MRPL47: variants seen among roughly 807,000 people sequenced by gnomAD.
MRPL47 encodes mitochondrial ribosomal protein L47.
Under a neutral mutation model 34.0 loss-of-function variants are expected in MRPL47, and 31 were observed. The observed-to-expected ratio is 0.91, with a 90% CI of 0.68 to 1.23. The LOEUF is 1.23. Ranked by LOEUF, MRPL47 falls within the 50% of genes most tolerant of loss-of-function variation. The pLI is 0.00. For synonymous variants in MRPL47, 106 were observed against 101.6 expected (o/e 1.04, Z -0.26); for missense variants, 328 against 285.8 (o/e 1.15, Z -1.07).
chr3:179,593,778 C>T lies in MRPL47; in HGVS notation c.520G>A (p.Gly174Arg). The T allele has an allele frequency of 1.2e-6, 2 of 1,613,284 alleles. No individual in the cohort carries two copies. The highest frequency in any genetic ancestry group is 1.7e-6 in the Non-Finnish European group (2 of 1,179,660). ...RPGAWRRDIF[G>R]RIIWHKFKQW... ...TTAACTACATACCAGATGATTCTTC[C>T]AAAGATGTCTCTTCTCCAAGCACCA... Residue 174 changes from glycine to arginine, a missense_variant, in exon 5 of 7, where the codon GGA becomes AGA. Gly to Arg is a moderately radical substitution (Grantham distance 125). Transcript: ENST00000476781.
chr3:179,602,612 C>A, intron 2 of MRPL47, 40 bp downstream of exon 2: 4 of 1,227,524 alleles, frequency 3.3e-6, no homozygotes, highest in Non-Finnish European at 4.6e-6. Context: ...GGGGGGGGTT[C>A]CATAAATATA....
intron 6 of MRPL47, 81 bp downstream of exon 6, chr3:179,592,563 T>G (rs1310989717): frequency 1.2e-6 from 1 of 818,656 alleles, no homozygotes; most frequent in African/African-American, 1.7e-5. Context: ...TTAAGCTTTC[T>G]TTATGTCATC....
chr3:179,601,743 AATCTTC>A lies in MRPL47; in HGVS notation c.286_291del (p.Glu96_Asp97del). On this transcript the variant is annotated inframe_deletion, in exon 3 of 7. Coordinates refer to ENST00000476781, the MANE Select transcript of MRPL47 (RefSeq NM_020409.3). Reference sequence around the variant, plus strand: ...TAGTATACTTACCAAAGTTTGTGTAAATCTTCATTACTTTTGTTCCTTAGTTGCTGA... The same window carrying A: ...TAGTATACTTACCAAAGTTTGTGTAAATTACTTTTGTTCCTTAGTTGCTGA... 6.2e-7 allele frequency: 1 copy of A among 1,606,114 alleles called. No homozygotes were observed. Among genetic ancestry groups the A allele is most frequent in the Non-Finnish European group, 8.5e-7 (1 of 1,173,148 alleles).
intron 4 of MRPL47, among the ~76,000 whole-genome samples, chr3:179,598,397 GACACAC>G (rs11455585): frequency 5.8e-5 from 6 of 102,950 alleles, no homozygotes; most frequent in African/African-American, 1.2e-4. Context: ...CTGACACACT[GACACAC>G]ACACACACAC....
At chr3:179,598,018 T>C (rs1560019333) in intron 4 of MRPL47, among the ~76,000 whole-genome samples, 1 of 152,214 alleles carries the variant, frequency 6.6e-6, no homozygotes, top group Non-Finnish European at 1.5e-5. Flanking sequence ...ATAGCTACTT[T>C]AGAATACAGT....
rs759842682 is a variant in MRPL47, at chr3:179,598,708, T to A, written c.369A>T (p.Arg123Ser). The part of the protein sequence containing the change: ...LTLEQEAKRQ[R>S]LPMPSPERLD... The stretch of plus-strand genomic sequence containing the variant: ...ACCGCTCTGGACTTGGCATTGGCAA[T>A]CTCTGCCGCTTGGCCTCCTGCTCTA... Residue 123 changes from arginine to serine, a missense_variant, in exon 4 of 7, where the codon AGA (arginine) becomes AGT (serine). Coordinates refer to ENST00000476781, the MANE Select transcript of MRPL47 (RefSeq NM_020409.3). 1 of 1,613,240 alleles carries A rather than the reference T, an allele frequency of 6.2e-7. No homozygotes were observed. Among genetic ancestry groups the A allele is most frequent in the South Asian group, 1.1e-5 (1 of 91,074 alleles).
chr3:179,591,234 G>A (rs1718665791), intron 6 of MRPL47, among the ~76,000 whole-genome samples: 1 of 152,102 alleles, frequency 6.6e-6, no homozygotes, highest in African/African-American at 2.4e-5. Context: ...TCCCAGCCTT[G>A]AATTCTGATT....
At chr3:179,594,600 A>G (rs1434682122) in intron 4 of MRPL47, among the ~76,000 whole-genome samples, 2 of 152,098 alleles carry the variant, frequency 1.3e-5, no homozygotes, top group Non-Finnish European at 2.9e-5. Context: ...CTCCTGCCTC[A>G]GCCTCCTGAG....
intron 2 of MRPL47, 37 bp downstream of exon 2, chr3:179,602,615 T>G (rs1560020955): frequency 7.8e-6 from 8 of 1,030,024 alleles, no homozygotes; most frequent in African/African-American, 3.4e-5. Context: ...GGGGGTTCCA[T>G]AAATATATCT....
chr3:179,602,915 T>A, intron 1 of MRPL47, 118 bp from the exon 2 acceptor site: 1 of 841,994 alleles, frequency 1.2e-6, no homozygotes. Flanking sequence ...AAAAAGCTAC[T>A]CAGGGTTTCT....
At position 179,588,858 on chromosome 3, in the gene MRPL47, A is replaced by C; in HGVS notation, c.*14T>G. ...CAAGAAAAACAAAATGGTAAATTTA[A>C]TAGTTCAGACATCTTAGACAAGACT... On this transcript the variant is annotated 3_prime_UTR_variant, in exon 7 of 7. Coordinates refer to ENST00000476781, the MANE Select transcript of MRPL47 (RefSeq NM_020409.3). 6.2e-7 allele frequency: 1 copy of C among 1,608,316 alleles called. No homozygotes were observed. The highest frequency in any genetic ancestry group is 8.5e-7 in the Non-Finnish European group (1 of 1,178,014).
Position 179,598,790 on chromosome 3 carries a change from A to C in MRPL47, c.306-19T>G, listed in dbSNP as rs936788285. 1 of 1,450,392 alleles carries C rather than the reference A, an allele frequency of 6.9e-7. No homozygotes were observed. Among genetic ancestry groups the C allele is most frequent in the African/African-American group, 1.4e-5 (1 of 71,556 alleles). The allele number at this position is 1,450,392 out of a possible 1,614,324, so 89.8% of individuals were successfully genotyped here. A position where few individuals can be genotyped will look rare whatever the true frequency, so the allele number is the denominator to read the frequency against. On this transcript the variant is annotated intron_variant, in intron 3 of 6. Transcript: ENST00000476781. Reference sequence around the variant, plus strand: ...GACATACCTATACAAAAGAACACAAACCTTGTGATGCTATTCTGTGGTTAT... The same window carrying C: ...GACATACCTATACAAAAGAACACAACCCTTGTGATGCTATTCTGTGGTTAT...
chr3:179,602,014 A>C (rs993538773), intron 2 of MRPL47, among the ~76,000 whole-genome samples: 1 of 152,258 alleles, frequency 6.6e-6, no homozygotes, highest in Non-Finnish European at 1.5e-5. Flanking sequence ...GCATTAGTAC[A>C]GAACGTATTT....
intron 3 of MRPL47, among the ~76,000 whole-genome samples, chr3:179,599,716 G>C (rs2108383911): frequency 6.6e-6 from 1 of 152,316 alleles, no homozygotes; most frequent in African/African-American, 2.4e-5. Flanking sequence ...GATGACCAGG[G>C]AAAGAGTCAT....
chr3:179,601,859 CTCTAAACCTG>C lies in MRPL47; in HGVS notation c.245-79_245-70del, dbSNP rs1718934643. 8 of 1,101,002 alleles carry C rather than the reference CTCTAAACCTG, an allele frequency of 7.3e-6. No individual in the cohort carries two copies. In the South Asian group the frequency reaches 8.1e-5, roughly 11 times the overall value. The allele number at this position is 1,101,002 out of a possible 1,614,324, so 68.2% of individuals were successfully genotyped here. A position where few individuals can be genotyped will look rare whatever the true frequency, so the allele number is the denominator to read the frequency against. On this transcript the variant is annotated intron_variant, in intron 2 of 6. Coordinates refer to ENST00000476781, the MANE Select transcript of MRPL47 (RefSeq NM_020409.3). ...TGCCCTTTGGCAAATTATTTAAGCT[CTCTAAACCTG>C]TCTAAACCTGTTTCTTTATCTGTAA...
chr3:179,591,830 T>G (rs1347514982), intron 6 of MRPL47, among the ~76,000 whole-genome samples: 2 of 150,544 alleles, frequency 1.3e-5, no homozygotes. Flanking sequence ...AGTGGCTATT[T>G]CTTTTTTTTT....
intron 4 of MRPL47, among the ~76,000 whole-genome samples, chr3:179,595,783 C>A (rs1037394942): frequency 6.6e-6 from 1 of 152,180 alleles, no homozygotes; most frequent in Admixed American, 6.5e-5. Context: ...TTATTGAAAA[C>A]AAGTCAACCT....
At chr3:179,590,868 C>T (rs994123742) in intron 6 of MRPL47, among the ~76,000 whole-genome samples, 1 of 152,048 alleles carries the variant, frequency 6.6e-6, no homozygotes, top group Non-Finnish European at 1.5e-5. Context: ...AGAATTAAAT[C>T]AAGGACTGAT....
intron 3 of MRPL47, among the ~76,000 whole-genome samples, chr3:179,600,552 G>C (rs913457440): frequency 1.3e-5 from 2 of 152,160 alleles, no homozygotes; most frequent in Admixed American, 1.3e-4. Flanking sequence ...TGAGGCATGA[G>C]AATTGCTTGA....
Sources: gnomAD v4.1 joint callset for allele counts (sites outside exome capture counted in the v4.1 genomes callset) on GRCh38, gnomAD v4.1.1 for gene constraint, MANE v1.5 for transcripts, NCBI Gene and HGNC (gene_info 2026-07-23, HGNC 2026-07-21) for gene names.